Variants in LRRC8A observed in about 807,000 individuals in gnomAD.
The protein encoded by LRRC8A is volume-regulated anion channel subunit LRRC8A.
A neutral mutation model predicts 52.5 loss-of-function variants in LRRC8A; 24 were observed. That is an observed-to-expected ratio of 0.46 (90% confidence interval 0.33 to 0.64). The LOEUF (loss-of-function observed/expected upper bound fraction) is 0.64. Among genes scored for constraint, LRRC8A ranks in the 30% least tolerant of loss-of-function variants. LRRC8A has a pLI of 0.02. For missense variants in LRRC8A, 677 were observed against 1,094.7 expected (o/e 0.62, Z 5.38); for synonymous variants, 492 against 494.2 (o/e 1.00, Z 0.06).
At chr9:128,883,167 T>C (rs1464486144) in intron 1 of LRRC8A, among the ~76,000 whole-genome samples, 1 of 152,168 alleles carries the variant, frequency 6.6e-6, no homozygotes, top group Non-Finnish European at 1.5e-5. Context: ...TGAGCCACAC[T>C]TCCACTGACT....
In LRRC8A at chr9:128,917,289, G is replaced by A. The variant is rs1840866925; in HGVS notation, c.*918G>A. ...GGTCCAGGAGTTCTATTTGTTCCTG[G>A]GGAGGGAGGTTTTTTTGTTTGTTTT... On this transcript the variant is annotated 3_prime_UTR_variant, in exon 4 of 4. Transcript: ENST00000372600. 6.6e-6 allele frequency: 1 copy of A among 152,478 alleles called. No individual in the cohort carries two copies. The highest frequency in any genetic ancestry group is 1.5e-5 in the Non-Finnish European group (1 of 68,048). 9.4% of individuals were successfully genotyped at this position (152,478 alleles called of 1,614,324 possible).
At position 128,916,538 on chromosome 9, in the gene LRRC8A, G is replaced by A; in HGVS notation, c.*167G>A. On this transcript the variant is annotated 3_prime_UTR_variant, in exon 4 of 4. Coordinates refer to ENST00000372600, the MANE Select transcript of LRRC8A (RefSeq NM_019594.4). This position sits in a 1 kb window ranked among gnomAD's most constrained non-coding sequence, Gnocchi z 6.1. ...AGGCCAGAGCGAGAGGACAGTATCT[G>A]TGGGGCTGGCCCCTTTTCTCCCTCT... 1 of 851,536 alleles carries A rather than the reference G, an allele frequency of 1.2e-6. No homozygotes were observed. Among genetic ancestry groups the A allele is most frequent in the Non-Finnish European group, 1.8e-6 (1 of 568,608 alleles). The allele number at this position is 851,536 out of a possible 1,614,324, so 52.7% of individuals were successfully genotyped here. A position where few individuals can be genotyped will look rare whatever the true frequency, so the allele number is the denominator to read the frequency against.
chr9:128,895,159 T>C (rs2130963935), intron 2 of LRRC8A, among the ~76,000 whole-genome samples: 1 of 152,358 alleles, frequency 6.6e-6, no homozygotes, highest in African/African-American at 2.4e-5. Context: ...TTATGCTTAA[T>C]ATCTCTTAGA....
chr9:128,901,985 G>A (rs970698948), intron 2 of LRRC8A, among the ~76,000 whole-genome samples: 2 of 152,184 alleles, frequency 1.3e-5, no homozygotes, highest in Non-Finnish European at 1.5e-5. Flanking sequence ...ACAAGGAAAC[G>A]GGTGCAGCTG....
intron 2 of LRRC8A, among the ~76,000 whole-genome samples, chr9:128,891,854 G>T (rs1354349865): frequency 6.6e-6 from 1 of 152,124 alleles, no homozygotes; most frequent in Non-Finnish European, 1.5e-5. Flanking sequence ...ACAATGGAAA[G>T]TCGGGCTTGG....
Position 128,916,303 on chromosome 9 carries a change from G to A in LRRC8A, c.2365G>A (p.Asp789Asn). ...LKRSGLVVEE[D>N]LFNTLPPEVK... ...GCGCAGCGGCTTGGTGGTGGAGGAGGACCTGTTCAACACACTGCCACCCGA... is the reference window on the plus strand; with the variant it reads ...GCGCAGCGGCTTGGTGGTGGAGGAGAACCTGTTCAACACACTGCCACCCGA... The change falls in exon 4 of 4, where the codon GAC becomes AAC. Residue 789 changes from aspartate (D) to asparagine (N), a missense_variant. Transcript: ENST00000372600. This position sits in a 1 kb window ranked among gnomAD's most constrained non-coding sequence, Gnocchi z 6.1. The A allele has an allele frequency of 6.2e-7, 1 of 1,613,138 alleles. No individual in the cohort carries two copies.
rs1333792940 is a variant in LRRC8A, at chr9:128,908,067, C to T, written c.903C>T (p.Ser301=). 2 of 1,614,092 alleles carry T rather than the reference C, an allele frequency of 1.2e-6. No homozygotes were observed. Among genetic ancestry groups the T allele is most frequent in the Non-Finnish European group, 8.5e-7 (1 of 1,180,040 alleles). The change falls in exon 3 of 4, where the codon AGC becomes AGT. Residue 301 remains serine (S), a synonymous_variant. Coordinates refer to ENST00000372600, the MANE Select transcript of LRRC8A (RefSeq NM_019594.4). The part of the protein sequence containing the change: ...FDVDCTVDIE[S]LTGYRTYRCA... ...TGGACTGCACCGTGGACATTGAGAGCCTGACGGGCTACCGCACCTACCGCT... is the reference window on the plus strand; with the variant it reads ...TGGACTGCACCGTGGACATTGAGAGTCTGACGGGCTACCGCACCTACCGCT...
At chr9:128,891,269 TA>T (rs557336064) in intron 2 of LRRC8A, among the ~76,000 whole-genome samples, 69 of 147,118 alleles carry the variant, frequency 4.7e-4, no homozygotes, top group East Asian at 1.8e-3. Flanking sequence ...AGATCCCGTC[TA>T]AAAAAAAAAA....
intron 2 of LRRC8A, among the ~76,000 whole-genome samples, chr9:128,905,349 C>T (rs1329189444): frequency 2.0e-5 from 3 of 152,166 alleles, no homozygotes; most frequent in African/African-American, 7.2e-5. Context: ...AGTACCTTAT[C>T]CCTCCGTGAC....
intron 3 of LRRC8A, among the ~76,000 whole-genome samples, chr9:128,915,571 C>T (rs558646882): frequency 7.2e-5 from 11 of 152,298 alleles, no homozygotes; most frequent in African/African-American, 2.6e-4. Flanking sequence ...GTGATCCGCC[C>T]GCCTCAGCCT....
intron 2 of LRRC8A, among the ~76,000 whole-genome samples, chr9:128,906,316 A>T (rs1385415406): frequency 1.3e-5 from 1 of 79,274 alleles, no homozygotes; most frequent in South Asian, 4.3e-4. Flanking sequence ...CCCATGTGGA[A>T]TTTTTTTTTT....
At chr9:128,882,725 A>T in intron 1 of LRRC8A, 1 of 398,624 alleles carries the variant, frequency 2.5e-6, no homozygotes, top group Non-Finnish European at 4.4e-6. Context: ...TATCGTTCCG[A>T]TGGGGGCAGT....
intron 2 of LRRC8A, among the ~76,000 whole-genome samples, chr9:128,901,567 C>A (rs1401520405): frequency 6.6e-6 from 1 of 152,286 alleles, no homozygotes; most frequent in East Asian, 1.9e-4. Flanking sequence ...TTGAGACCAG[C>A]CTGGACAACA....
intron 2 of LRRC8A, among the ~76,000 whole-genome samples, chr9:128,889,953 C>A (rs925579292): frequency 6.6e-6 from 1 of 151,956 alleles, no homozygotes; most frequent in Non-Finnish European, 1.5e-5. Flanking sequence ...CAGATGTGCA[C>A]CACCACGCCT....
At chr9:128,894,617 A>T (rs1839752345) in intron 2 of LRRC8A, among the ~76,000 whole-genome samples, 1 of 150,660 alleles carries the variant, frequency 6.6e-6, no homozygotes. Context: ...ACATGGCAAA[A>T]CCCCATCTCT....
intron 1 of LRRC8A, chr9:128,882,929 A>G (rs1236050584): frequency 5.0e-6 from 2 of 397,176 alleles, no homozygotes; most frequent in Non-Finnish European, 8.9e-6. Flanking sequence ...ATACCCAGCA[A>G]ACTGAGCTCC....
chr9:128,896,833 T>G (rs1839842382), intron 2 of LRRC8A, among the ~76,000 whole-genome samples: 1 of 152,198 alleles, frequency 6.6e-6, no homozygotes, highest in African/African-American at 2.4e-5. Context: ...GGGATTCTCC[T>G]GCCTCAGCCT....
rs1349487912 is a variant in LRRC8A, at chr9:128,902,060, CT to C, written c.-8-5096del. Reference sequence around the variant, plus strand: ...GGCCCAGGCACCAGCCGGGCCAGGCCTGTGAGAGACTCCAGTCCAGGCCCTT... The same window carrying C: ...GGCCCAGGCACCAGCCGGGCCAGGCCGTGAGAGACTCCAGTCCAGGCCCTT... On this transcript the variant is annotated intron_variant, in intron 2 of 3. Transcript: ENST00000372600. The surrounding 1 kb of genome is among the most constrained non-coding windows in gnomAD (Gnocchi z 4.1). Among the ~76,000 whole-genome samples, 1 of 152,218 alleles carries C rather than the reference CT, an allele frequency of 6.6e-6. No homozygotes were observed. The highest frequency in any genetic ancestry group is 1.5e-5 in the Non-Finnish European group (1 of 68,036).
rs1009115734 is a variant in LRRC8A, at chr9:128,911,634, C to T, written c.2157+2313C>T. ...GGGTTCAAGCCTCCAGCCTGGCTCC[C>T]CATCCTGTCCCCCACCCCCAGCTCC... On this transcript the variant is annotated intron_variant, in intron 3 of 3. Coordinates refer to ENST00000372600, the MANE Select transcript of LRRC8A (RefSeq NM_019594.4). This position sits in a 1 kb window ranked among gnomAD's most constrained non-coding sequence, Gnocchi z 4.9. Among the ~76,000 whole-genome samples, 1 of 152,148 alleles carries T rather than the reference C, an allele frequency of 6.6e-6. No individual in the cohort carries two copies. The highest frequency in any genetic ancestry group is 2.4e-5 in the African/African-American group (1 of 41,424).
Sources: allele counts gnomAD v4.1 joint callset (sites outside exome capture counted in the v4.1 genomes callset), GRCh38; gene constraint gnomAD v4.1.1; non-coding constraint Gnocchi (gnomAD v3.1); transcripts MANE v1.5; gene names NCBI Gene and HGNC (gene_info 2026-07-23, HGNC 2026-07-21).